The following CRIM1 variants were observed in gnomAD, a reference collection of about 807,000 sequenced individuals.
CRIM1 encodes the protein cysteine rich transmembrane BMP regulator 1.
CRIM1 carries 32 observed loss-of-function variants against 116.4 expected under a neutral mutation model. That is an observed-to-expected ratio of 0.27 (90% CI 0.21 to 0.37). The LOEUF (loss-of-function observed/expected upper bound fraction) is 0.37, where lower values mean the gene tolerates loss of function less well. Ranked by LOEUF, CRIM1 falls within the 10% of genes least tolerant of loss-of-function variation. The pLI, the probability that CRIM1 is intolerant of heterozygous loss-of-function variation, is 1.00. For synonymous variants in CRIM1, 590 were observed against 509.2 expected (o/e 1.16, Z -2.13); for missense variants, 1,331 against 1,354.8 (o/e 0.98, Z 0.28).
At chr2:36,450,795 G>A (rs980019591) in intron 4 of CRIM1, among the ~76,000 whole-genome samples, 2 of 152,200 alleles carry the variant, frequency 1.3e-5, no homozygotes, top group Non-Finnish European at 2.9e-5. Context: ...TTTGCACCAA[G>A]CTGCTTCAAT....
intron 5 of CRIM1, among the ~76,000 whole-genome samples, chr2:36,475,963 C>G (rs2125038327): frequency 6.6e-6 from 1 of 151,612 alleles, no homozygotes; most frequent in Middle Eastern, 3.4e-3. Flanking sequence ...TTATATGTTG[C>G]TGGATGTGGT....
intron 4 of CRIM1, among the ~76,000 whole-genome samples, chr2:36,449,246 C>G (rs112820711): frequency 0.012 from 1,767 of 152,248 alleles, 41 homozygotes; most frequent in African/African-American, 0.041. Flanking sequence ...TCTCCTGTTT[C>G]ATAGAGGGAG....
At chr2:36,450,028 T>C (rs1322330738) in intron 4 of CRIM1, among the ~76,000 whole-genome samples, 1 of 152,218 alleles carries the variant, frequency 6.6e-6, no homozygotes, top group Non-Finnish European at 1.5e-5. Context: ...TAGTTGACTA[T>C]TGTTAGTTAA....
In CRIM1 at chr2:36,544,444, G is replaced by C. The variant is rs1667171666; in HGVS notation, c.2692G>C (p.Glu898Gln). Residue 898 changes from glutamate (E) to glutamine (Q), a missense_variant, in exon 15 of 17, where the codon GAG (glutamate) becomes CAG (glutamine). Physicochemically the swap from Glu to Gln is conservative, Grantham distance 29. Around this residue, in one of 3 missense-constraint regions of CRIM1, gnomAD observed 283 missense variants for 242.8 expected, o/e 1.17. Transcript: ENST00000280527. ...KTNHRGEVDLEVPLWPTPSEN... is the reference protein window; with the variant it reads ...KTNHRGEVDLQVPLWPTPSEN... ...AAACCATCGAGGAGAGGTTGACCTG[G>C]AGGTTCCCCTGTGGCCCACGCCTAG... is the stretch of plus-strand genomic sequence containing the variant. 3 of 1,426,168 alleles carry C rather than the reference G, an allele frequency of 2.1e-6. No individual in the cohort carries two copies. The South Asian group carries it at 5.5e-5, about 26-fold the overall frequency. The allele number at this position is 1,426,168 out of a possible 1,614,324, so 88.3% of individuals were successfully genotyped here. A position where few individuals can be genotyped will look rare whatever the true frequency, so the allele number is the denominator to read the frequency against.
intron 13 of CRIM1, among the ~76,000 whole-genome samples, chr2:36,525,092 C>G (rs1259403748): frequency 6.6e-6 from 1 of 152,134 alleles, no homozygotes; most frequent in Non-Finnish European, 1.5e-5. Flanking sequence ...CTTCAGGGGA[C>G]CATGTTGGGA....
chr2:36,382,901 T>A (rs567934921), intron 1 of CRIM1, among the ~76,000 whole-genome samples: 1 of 152,380 alleles, frequency 6.6e-6, no homozygotes, highest in African/African-American at 2.4e-5. Flanking sequence ...GGATATGGAT[T>A]TGATCAGAGC....
chr2:36,418,936 G>T (rs1673843809), intron 2 of CRIM1, among the ~76,000 whole-genome samples: 1 of 152,138 alleles, frequency 6.6e-6, no homozygotes, highest in Non-Finnish European at 1.5e-5. Flanking sequence ...CACTGGAGTT[G>T]TTTAAAATCC....
chr2:36,539,221 T>C (rs1478871900), intron 14 of CRIM1, among the ~76,000 whole-genome samples: 1 of 151,934 alleles, frequency 6.6e-6, no homozygotes, highest in African/African-American at 2.4e-5. Flanking sequence ...AAGATGAGAT[T>C]TAATGAAGAG....
intron 13 of CRIM1, among the ~76,000 whole-genome samples, chr2:36,532,974 C>A (rs59828923): frequency 4.6e-5 from 7 of 152,236 alleles, no homozygotes; most frequent in Admixed American, 2.6e-4. Flanking sequence ...ATAAACGTAG[C>A]CTTTAGAGTT....
Position 36,441,617 on chromosome 2 carries a change from C to T in CRIM1, c.748+117C>T, listed in dbSNP as rs1044864311. ...GAAGATGGGCCTTCTCACCGGTGTCCTGTGAATCTGCCACTTTGGGCTAAT... is the reference window on the plus strand; with the variant it reads ...GAAGATGGGCCTTCTCACCGGTGTCTTGTGAATCTGCCACTTTGGGCTAAT... On this transcript the variant is annotated intron_variant, in intron 3 of 16. Transcript: ENST00000280527. The T allele has an allele frequency of 9.1e-6, 12 of 1,315,854 alleles. No homozygotes were observed. In the Admixed American group the frequency reaches 1.7e-4, roughly 18 times the overall value. 81.5% of individuals were successfully genotyped at this position (1,315,854 alleles called of 1,614,324 possible).
intron 7 of CRIM1, 141 bp from the exon 8 acceptor site, chr2:36,499,078 C>A: frequency 1.5e-6 from 1 of 652,230 alleles, no homozygotes. Flanking sequence ...AAAGATATTA[C>A]TGGAGCATAA....
At chr2:36,537,279 G>A (rs1666614162) in intron 13 of CRIM1, 73 bp from the exon 14 acceptor site, 2 of 1,363,986 alleles carry the variant, frequency 1.5e-6, no homozygotes, top group Admixed American at 1.7e-5. Context: ...GCTATCCCTT[G>A]ATCTCTCACG....
In CRIM1 at chr2:36,550,751, T is replaced by C. The variant is rs895188476; in HGVS notation, c.*2050T>C. On this transcript the variant is annotated 3_prime_UTR_variant, in exon 17 of 17. Transcript: ENST00000280527. ...TTACAAAAATAGATTGACATCAGCC[T>C]GATTAGTATAAATTTTGTTGGTAAT... 1.3e-5 allele frequency: 2 copies of C among 152,562 alleles called. No homozygotes were observed. The highest frequency in any genetic ancestry group is 2.9e-5 in the Non-Finnish European group (2 of 68,004). 9.5% of individuals were successfully genotyped at this position (152,562 alleles called of 1,614,324 possible).
chr2:36,501,794 C>T (rs1681020563), intron 8 of CRIM1, among the ~76,000 whole-genome samples: 1 of 152,104 alleles, frequency 6.6e-6, no homozygotes, highest in Non-Finnish European at 1.5e-5. Context: ...TCCTATAAGC[C>T]TCTACCCATT....
intron 5 of CRIM1, among the ~76,000 whole-genome samples, chr2:36,471,117 G>A (rs990653806): frequency 6.6e-6 from 1 of 152,208 alleles, no homozygotes; most frequent in Non-Finnish European, 1.5e-5. Flanking sequence ...TGGAAAGGAT[G>A]AGGAGTTTCT....
chr2:36,429,354 C>T (rs1241771829), intron 2 of CRIM1, among the ~76,000 whole-genome samples: 2 of 152,168 alleles, frequency 1.3e-5, no homozygotes, highest in East Asian at 1.9e-4. Flanking sequence ...ACTTTGGAAG[C>T]AGTCATGATC....
intron 2 of CRIM1, among the ~76,000 whole-genome samples, chr2:36,438,309 A>G (rs1026666639): frequency 2.6e-5 from 4 of 152,256 alleles, no homozygotes; most frequent in African/African-American, 9.6e-5. Context: ...GCAAATTAAC[A>G]AGAGTAGGAA....
intron 1 of CRIM1, among the ~76,000 whole-genome samples, chr2:36,392,289 C>T (rs1030587584): frequency 6.6e-6 from 1 of 152,076 alleles, no homozygotes. Flanking sequence ...ATGTAATATC[C>T]TAATTTGGTA....
At chr2:36,527,660 C>G (rs1558403520) in intron 13 of CRIM1, among the ~76,000 whole-genome samples, 1 of 152,192 alleles carries the variant, frequency 6.6e-6, no homozygotes, top group Non-Finnish European at 1.5e-5. Context: ...AAACTGGTAT[C>G]TTAGAGATAT....
Sources: gnomAD v4.1 joint callset for allele counts (sites outside exome capture counted in the v4.1 genomes callset) on GRCh38, gnomAD v4.1.1 for gene constraint, gnomAD v4.1.1 regional missense constraint, MANE v1.5 for transcripts, NCBI Gene and HGNC (gene_info 2026-07-23, HGNC 2026-07-21) for gene names.